The following ZNF124 variants were observed in gnomAD, a reference collection of about 807,000 sequenced individuals.
The protein encoded by ZNF124 is zinc finger protein 124.
A neutral mutation model predicts 26.6 loss-of-function variants in ZNF124; 25 were observed. The ratio of observed to expected loss-of-function variants is 0.94; its 90% CI spans 0.68 to 1.31. The LOEUF (loss-of-function observed/expected upper bound fraction) is 1.31. Ranked by LOEUF, ZNF124 falls within the 40% of genes most tolerant of loss-of-function variation. ZNF124 has a pLI of 0.00. For synonymous variants in ZNF124, 129 were observed against 133.3 expected, an observed-to-expected ratio of 0.97 and a Z score of 0.22; for missense variants, 444 against 422.2, an observed-to-expected ratio of 1.05 and a Z score of -0.45.
chr1:247,163,677 T>C (rs969384924), intron 1 of ZNF124, among the ~76,000 whole-genome samples: 2 of 152,160 alleles, frequency 1.3e-5, no homozygotes, highest in Non-Finnish European at 2.9e-5. Context: ...CAGGACCAGA[T>C]GGTTTCACAG....
intron 3 of ZNF124, among the ~76,000 whole-genome samples, chr1:247,147,886 C>T (rs1672828276): frequency 1.3e-5 from 2 of 152,184 alleles, no homozygotes; most frequent in South Asian, 2.1e-4. Flanking sequence ...AAAGGCCCCA[C>T]CTCCATTGTT....
rs904058092 is a variant in ZNF124 at position 247,156,476 on chromosome 1, ATTAAGTACT to A, written c.*81_*89del. ...CATGTATTTGAGGAAATCTGGGAAA[ATTAAGTACT>A]TTCCTACACCTTACATTCACAGTTT... is the stretch of plus-strand genomic sequence containing the variant. On this transcript the variant is annotated 3_prime_UTR_variant, in exon 4 of 4. Transcript: ENST00000543802. 2 of 1,356,560 alleles carry A rather than the reference ATTAAGTACT, an allele frequency of 1.5e-6. No individual in the cohort carries two copies. The highest frequency in any genetic ancestry group is 6.8e-5 in the Admixed American group (2 of 29,564). The allele number at this position is 1,356,560 out of a possible 1,614,324, so 84.0% of individuals were successfully genotyped here.
At position 247,157,033 on chromosome 1, in the gene ZNF124, C is replaced by G. The variant is rs772443563; in HGVS notation, c.589G>C (p.Glu197Gln). The G allele has an allele frequency of 2.5e-6, 4 of 1,614,014 alleles. No homozygotes were observed. The highest frequency in any genetic ancestry group is 3.4e-6 in the Non-Finnish European group (4 of 1,179,992). The stretch of plus-strand genomic sequence containing the variant: ...GGTTTCTCTCCAGTATGAGTTCTTT[C>G]ATGGTCACGAAGGTGACTGGAACGA... ...FSRSSHLRDHERTHTGEKPYE... is the reference protein window; with the variant it reads ...FSRSSHLRDHQRTHTGEKPYE... Residue 197 changes from glutamate to glutamine, a missense_variant, in exon 4 of 4, where the codon GAA becomes CAA. By Grantham distance (29) the Glu-to-Gln change is conservative (BLOSUM62 2). Coordinates refer to ENST00000543802, the MANE Select transcript of ZNF124 (RefSeq NM_001297568.2).
intron 1 of ZNF124, among the ~76,000 whole-genome samples, chr1:247,169,692 T>G (rs1034075803): frequency 6.7e-6 from 1 of 149,596 alleles, no homozygotes; most frequent in Non-Finnish European, 1.5e-5. Context: ...GGAATAGCTG[T>G]TCTCCCTTCA....
At chr1:247,133,488 A>G (rs1672415584) in intron 3 of ZNF124, among the ~76,000 whole-genome samples, 1 of 152,120 alleles carries the variant, frequency 6.6e-6, no homozygotes. Context: ...ACACATAATC[A>G]GCAAATTCTC....
chr1:247,145,704 G>C (rs993998640), intron 3 of ZNF124, among the ~76,000 whole-genome samples: 6 of 151,650 alleles, frequency 4.0e-5, no homozygotes, highest in South Asian at 2.1e-4. Flanking sequence ...TCTCGGCACA[G>C]TGCAACCTCT....
intron 3 of ZNF124, among the ~76,000 whole-genome samples, chr1:247,146,422 G>T (rs911896343): frequency 1.3e-5 from 2 of 152,128 alleles, no homozygotes; most frequent in African/African-American, 4.8e-5. Context: ...GGAATACAAA[G>T]CTAGGCAGCC....
intron 1 of ZNF124, among the ~76,000 whole-genome samples, chr1:247,163,710 A>G (rs115074624): frequency 0.11 from 17,383 of 152,144 alleles, 1,251 homozygotes; most frequent in African/African-American, 0.18. Context: ...AGATGTATTA[A>G]GAAGAGCTGG....
intron 3 of ZNF124, among the ~76,000 whole-genome samples, chr1:247,126,455 T>A (rs2103097728): frequency 5.7e-5 from 1 of 17,662 alleles, no homozygotes; most frequent in South Asian, 1.2e-3. Flanking sequence ...CGCACGTGCG[T>A]GTCTCGGTCA....
rs765538963 is a variant in ZNF124, at chr1:247,159,767, T to C, written c.77A>G (p.Glu26Gly). 2 of 1,613,722 alleles carry C rather than the reference T, an allele frequency of 1.2e-6. No homozygotes were observed. The highest frequency in any genetic ancestry group is 1.7e-6 in the Non-Finnish European group (2 of 1,179,916). Residue 26 changes from glutamate to glycine, a missense_variant, in exon 2 of 4, where the codon GAG becomes GGG. Physicochemically the swap from Glu to Gly is moderately conservative, Grantham distance 98 (BLOSUM62 -2). Coordinates refer to ENST00000543802, the MANE Select transcript of ZNF124 (RefSeq NM_001297568.2). ...EDVAVNFTQE[E>G]WALLDPSQKN... The stretch of plus-strand genomic sequence containing the variant: ...CTGGGAAGGATCCAACAAAGCCCAC[T>C]CCTCCTGGGTGAAGTTCACAGCCAC...
intron 3 of ZNF124, among the ~76,000 whole-genome samples, chr1:247,140,143 GC>G (rs1558375768): frequency 6.6e-6 from 1 of 152,012 alleles, no homozygotes; most frequent in Non-Finnish European, 1.5e-5. Flanking sequence ...CATAGATTTG[GC>G]CACTTTACAA....
chr1:247,163,748 A>G (rs1280016384), intron 1 of ZNF124, among the ~76,000 whole-genome samples: 1 of 152,202 alleles, frequency 6.6e-6, no homozygotes, highest in East Asian at 1.9e-4. Context: ...CTATTCTAAG[A>G]AACTAAAGAG....
At chr1:247,152,301 AAAAC>A (rs1672969120), downstream of ZNF124, among the ~76,000 whole-genome samples, 1 of 143,474 alleles carries the variant, frequency 7.0e-6, no homozygotes, top group South Asian at 2.3e-4. Flanking sequence ...AAACAAAAAT[AAAAC>A]AAAATATAAA....
intron 3 of ZNF124, among the ~76,000 whole-genome samples, chr1:247,134,959 G>A (rs74958300): frequency 1.3e-5 from 2 of 152,058 alleles, no homozygotes; most frequent in East Asian, 1.9e-4. Context: ...CAAACCACAC[G>A]ATTTCATGGA....
At chr1:247,123,552 G>T in exon 4 of ZNF124, 3 of 356,656 alleles carry the variant, frequency 8.4e-6, no homozygotes, top group South Asian at 7.7e-5. Flanking sequence ...TCGAACATTG[G>T]TTTCCTAAAT....
At chr1:247,135,833 G>A (rs1445480372) in intron 3 of ZNF124, among the ~76,000 whole-genome samples, 3 of 152,098 alleles carry the variant, frequency 2.0e-5, no homozygotes, top group African/African-American at 7.2e-5. Context: ...TATTCACCAC[G>A]ATCAAGTTAG....
intron 3 of ZNF124, among the ~76,000 whole-genome samples, chr1:247,135,760 C>T (rs1159076477): frequency 7.9e-5 from 12 of 152,160 alleles, no homozygotes; most frequent in African/African-American, 1.2e-4. Flanking sequence ...CCCTGATGAA[C>T]GTCAATGCAA....
At chr1:247,151,967 A>C (rs774658836), downstream of ZNF124, among the ~76,000 whole-genome samples, 1 of 152,018 alleles carries the variant, frequency 6.6e-6, no homozygotes, top group South Asian at 2.1e-4. Flanking sequence ...AGAGATCAAT[A>C]TAGTGTCCAT....
At chr1:247,154,550 A>G (rs915990562), downstream of ZNF124, among the ~76,000 whole-genome samples, 2 of 152,238 alleles carry the variant, frequency 1.3e-5, no homozygotes, top group Non-Finnish European at 2.9e-5. Flanking sequence ...ATATAGCACT[A>G]TAAACTATGC....
Sources: gnomAD v4.1 joint callset for allele counts (sites outside exome capture counted in the v4.1 genomes callset) on GRCh38, gnomAD v4.1.1 for gene constraint, MANE v1.5 for transcripts, NCBI Gene and HGNC (gene_info 2026-07-23, HGNC 2026-07-21) for gene names.